The following NPIPB2 variants were observed in gnomAD, a reference collection of about 807,000 sequenced individuals.
NPIPB2 encodes the protein nuclear pore complex-interacting protein family member B2.
Under a neutral mutation model 30.8 loss-of-function variants are expected in NPIPB2, and 27 were observed. That is an observed-to-expected ratio of 0.88 (90% CI 0.65 to 1.21). The LOEUF is 1.21. Among genes scored for constraint, NPIPB2 ranks in the 50% most tolerant of loss-of-function variants. NPIPB2 has a pLI of 0.00. For missense variants in NPIPB2, 440 were observed against 446.2 expected (o/e 0.99, Z 0.13); for synonymous variants, 147 against 162.0 (o/e 0.91, Z 0.70).
intron 1 of NPIPB2, among the ~76,000 whole-genome samples, chr16:11,964,672 C>A (rs1272980199): frequency 6.6e-6 from 1 of 152,202 alleles, no homozygotes; most frequent in African/African-American, 2.4e-5. Flanking sequence ...GCCTCGGCCT[C>A]CCAAAGTGCT....
At chr16:11,956,240 G>A (rs574851943) in intron 1 of NPIPB2, 1 of 152,354 alleles carries the variant, frequency 6.6e-6, no homozygotes, top group Admixed American at 6.5e-5. Context: ...CTCAAGCCCT[G>A]TAAGTGGGAG....
upstream of NPIPB2, chr16:11,942,194 G>A (rs2054951525): frequency 9.7e-7 from 1 of 1,030,062 alleles, no homozygotes; most frequent in Non-Finnish European, 1.4e-6. Context: ...GACTTATTTT[G>A]TTCCAGCAAA....
chr16:11,941,510 C>T (rs1234574607), intron 1 of NPIPB2, among the ~76,000 whole-genome samples: 1 of 151,412 alleles, frequency 6.6e-6, no homozygotes, highest in Non-Finnish European at 1.5e-5. Context: ...TTCTCAAGCG[C>T]TGGTGGAAGG....
Position 11,957,308 on chromosome 16 carries a change from G to C in NPIPB2, c.-583-15194C>G, listed in dbSNP as rs139201294. ...GCCTCCCGAGTAGCTGGGACTACAG[G>C]CGTGTGACACCACGCCCGGCTAAGT... On this transcript the variant is annotated intron_variant, in intron 1 of 5. Transcript: ENST00000538896. 9.4e-3 allele frequency among the ~76,000 whole-genome samples: 1,426 copies of C among 151,936 alleles called. 17 individuals carry two copies. The highest frequency in any genetic ancestry group is 0.026 in the South Asian group (123 of 4,808).
chr16:11,927,620 G>A lies in NPIPB2; in HGVS notation c.947C>T (p.Ala316Val), dbSNP rs370684740. 1.1e-3 allele frequency: 1,737 copies of A among 1,606,220 alleles called. 22 individuals are homozygous for A. In the South Asian group the frequency reaches 0.017, roughly 16 times the overall value. The change falls in exon 8 of 8, where the codon GCG becomes GTG. Residue 316 changes from alanine (A) to valine (V), a missense_variant. This residue lies in a region of NPIPB2 where 140 missense variants were observed against 116.8 expected (regional missense o/e 1.20). Coordinates refer to ENST00000399147, the Ensembl canonical transcript of NPIPB2. Reference sequence around the variant, plus strand: ...GGGAGGTGTCTTGAGATTATCATCCGCTGAGGGTGGAGCTGAGGGTGGAAG... The same window carrying A: ...GGGAGGTGTCTTGAGATTATCATCCACTGAGGGTGGAGCTGAGGGTGGAAG...
At chr16:11,947,040 T>TATA (rs138584572), upstream of NPIPB2, among the ~76,000 whole-genome samples, 1 of 139,826 alleles carries the variant, frequency 7.2e-6, no homozygotes, top group Non-Finnish European at 1.5e-5. Flanking sequence ...ACTATTTGAA[T>TATA]TATATATATA....
At chr16:11,974,746 T>C (rs1411662754) in intron 1 of NPIPB2, among the ~76,000 whole-genome samples, 1 of 152,090 alleles carries the variant, frequency 6.6e-6, no homozygotes, top group African/African-American at 2.4e-5. Flanking sequence ...CAGTCCCTTT[T>C]CCCCGATGTG....
At chr16:11,972,887 G>C (rs1431092932) in intron 1 of NPIPB2, among the ~76,000 whole-genome samples, 1 of 151,616 alleles carries the variant, frequency 6.6e-6, no homozygotes, top group Non-Finnish European at 1.5e-5. Context: ...ATAGCTGGGC[G>C]TGGAGGCTGA....
At chr16:11,939,299 C>T (rs866540170) in intron 1 of NPIPB2, among the ~76,000 whole-genome samples, 2,615 of 150,956 alleles carry the variant, frequency 0.017, no homozygotes, top group African/African-American at 0.061. Context: ...TGGTGGCTCA[C>T]GCCTGCAATC....
At chr16:11,954,313 C>G (rs1193760254) in intron 1 of NPIPB2, among the ~76,000 whole-genome samples, 1 of 150,906 alleles carries the variant, frequency 6.6e-6, no homozygotes, top group East Asian at 1.9e-4. Context: ...GTAGCGAGAC[C>G]CCATCTCTGA....
chr16:11,974,833 G>A (rs1249328566), intron 1 of NPIPB2, among the ~76,000 whole-genome samples: 3 of 152,080 alleles, frequency 2.0e-5, no homozygotes, highest in African/African-American at 7.2e-5. Context: ...CAGCATTTTG[G>A]GAGGCCGAGG....
At chr16:11,941,909 G>T (rs1276506970) in intron 1 of NPIPB2, 74 bp downstream of exon 1, 2 of 981,674 alleles carry the variant, frequency 2.0e-6, no homozygotes, top group Non-Finnish European at 3.1e-6. Context: ...GAGCTCCCAG[G>T]GTTCCTCAAG....
At chr16:11,956,709 C>T (rs2055115737) in intron 1 of NPIPB2, among the ~76,000 whole-genome samples, 1 of 152,178 alleles carries the variant, frequency 6.6e-6, no homozygotes, top group Non-Finnish European at 1.5e-5. Context: ...TGATCTCCTG[C>T]AGAATGCCCA....
intron 1 of NPIPB2, among the ~76,000 whole-genome samples, chr16:11,956,974 A>G (rs2055117456): frequency 6.6e-6 from 1 of 152,028 alleles, no homozygotes; most frequent in South Asian, 2.1e-4. Context: ...TATTATTTTT[A>G]TTTTTAATTA....
At chr16:11,947,386 C>A (rs2055022534) in intron 1 of NPIPB2, among the ~76,000 whole-genome samples, 1 of 149,090 alleles carries the variant, frequency 6.7e-6, no homozygotes, top group Non-Finnish European at 1.5e-5. Flanking sequence ...GCTCTGTCGC[C>A]CAGGCTGGAG....
chr16:11,932,563 G>C (rs1166437313), intron 4 of NPIPB2, among the ~76,000 whole-genome samples: 1 of 150,706 alleles, frequency 6.6e-6, no homozygotes, highest in Non-Finnish European at 1.5e-5. Context: ...GGATCATGAT[G>C]TCAGGAGTTC....
chr16:11,953,592 C>T (rs1393625229), intron 1 of NPIPB2, among the ~76,000 whole-genome samples: 1 of 152,110 alleles, frequency 6.6e-6, no homozygotes, highest in Non-Finnish European at 1.5e-5. Flanking sequence ...CCTCGTGATT[C>T]ACCCACCTTG....
chr16:11,961,517 C>T (rs3851003), intron 1 of NPIPB2, among the ~76,000 whole-genome samples: 17,816 of 152,118 alleles, frequency 0.12, 1,522 homozygotes, highest in African/African-American at 0.21. Flanking sequence ...CAGTGGCTCA[C>T]GCCTATAATC....
chr16:11,943,731 G>T (rs182438558), upstream of NPIPB2, among the ~76,000 whole-genome samples: 352 of 150,994 alleles, frequency 2.3e-3, no homozygotes, highest in Non-Finnish European at 4.0e-3. Context: ...AGGCACGGTG[G>T]CTCATGCCTG....
Sources: allele counts gnomAD v4.1 joint callset (sites outside exome capture counted in the v4.1 genomes callset), GRCh38; gene constraint gnomAD v4.1.1; regional missense constraint gnomAD v4.1.1; transcripts MANE v1.5; gene names NCBI Gene and HGNC (gene_info 2026-07-23, HGNC 2026-07-21).